NIPBL: variants seen among roughly 807,000 people sequenced by gnomAD.
NIPBL encodes the protein nipped-B-like protein.
A neutral mutation model predicts 321.8 loss-of-function variants in NIPBL; 19 were observed. The observed-to-expected ratio is 0.06, with a 90% CI of 0.04 to 0.09. The LOEUF (loss-of-function observed/expected upper bound fraction) is 0.09. NIPBL is among the 10% of genes least tolerant of loss of function. NIPBL has a pLI of 1.00. For synonymous variants in NIPBL, 1,106 were observed against 1,114.1 expected (o/e 0.99, Z 0.14); for missense variants, 2,210 against 3,327.0 (o/e 0.66, Z 8.26).
At chr5:36,952,053 T>TGTGTGTGTGCGTGC (rs778597604) in intron 1 of NIPBL, among the ~76,000 whole-genome samples, 3 of 112,114 alleles carry the variant, frequency 2.7e-5, no homozygotes, top group South Asian at 3.8e-4. Context: ...TGTGTGTGTG[T>TGTGTGTGTGCGTGC]GCGCGCGCGC....
chr5:36,940,843 T>A (rs1055799258), intron 1 of NIPBL, among the ~76,000 whole-genome samples: 1 of 152,212 alleles, frequency 6.6e-6, no homozygotes, highest in African/African-American at 2.4e-5. Context: ...ATAACAATGC[T>A]AGGCATATGT....
intron 1 of NIPBL, among the ~76,000 whole-genome samples, chr5:36,884,811 G>T (rs1200511714): frequency 6.6e-6 from 1 of 152,160 alleles, no homozygotes; most frequent in African/African-American, 2.4e-5. Flanking sequence ...AGGTAGAGCT[G>T]TGTCCTTGAG....
intron 9 of NIPBL, chr5:36,982,235 C>G: frequency 1.0e-6 from 1 of 979,190 alleles, no homozygotes; most frequent in Non-Finnish European, 1.2e-6. Context: ...AATCACTGTC[C>G]TAAATACCAA....
At chr5:37,003,910 T>C (rs1022289019) in intron 16 of NIPBL, among the ~76,000 whole-genome samples, 2 of 152,212 alleles carry the variant, frequency 1.3e-5, no homozygotes, top group African/African-American at 4.8e-5. Flanking sequence ...CTCTTCCTTA[T>C]GTAAGTATAT....
intron 34 of NIPBL, among the ~76,000 whole-genome samples, chr5:37,040,520 G>T (rs1752219190): frequency 6.6e-6 from 1 of 151,990 alleles, no homozygotes; most frequent in Non-Finnish European, 1.5e-5. Flanking sequence ...ACATTACCTG[G>T]TATATATCTA....
At chr5:37,060,342 C>T (rs1015089531) in intron 44 of NIPBL, among the ~76,000 whole-genome samples, 1 of 151,938 alleles carries the variant, frequency 6.6e-6, no homozygotes, top group African/African-American at 2.4e-5. Flanking sequence ...TTATTTTTTA[C>T]TTGTAGAGAT....
chr5:36,973,411 A>G (rs1180486885), intron 8 of NIPBL, among the ~76,000 whole-genome samples: 1 of 151,766 alleles, frequency 6.6e-6, no homozygotes, highest in East Asian at 1.9e-4. Context: ...GGTTTGTTAC[A>G]TAGGTATACA....
rs115586975 is a variant in NIPBL, at chr5:36,982,114, C to G, written c.1496-2562C>G. 3.2e-3 allele frequency: 1,363 copies of G among 432,234 alleles called. 14 individuals carry two copies. Among genetic ancestry groups the G allele is most frequent in the African/African-American group, 0.028 (1,293 of 46,634 alleles). 26.8% of individuals were successfully genotyped at this position (432,234 alleles called of 1,614,324 possible). ...TTTGAGAATATCAGCATCTGGATGA[C>G]AAGTGTTGGTTTTGAGATTATGATA... On this transcript the variant is annotated intron_variant, in intron 9 of 46. Coordinates refer to ENST00000282516, the MANE Select transcript of NIPBL (RefSeq NM_133433.4).
intron 1 of NIPBL, among the ~76,000 whole-genome samples, chr5:36,880,294 C>T (rs1246737326): frequency 6.6e-6 from 1 of 151,660 alleles, no homozygotes; most frequent in Non-Finnish European, 1.5e-5. Context: ...TTTGAAATAC[C>T]CCATTGTGGT....
intron 1 of NIPBL, among the ~76,000 whole-genome samples, chr5:36,919,308 A>T (rs961845735): frequency 6.6e-6 from 1 of 152,070 alleles, no homozygotes; most frequent in Non-Finnish European, 1.5e-5. Context: ...CATATATTTC[A>T]GTTGACATTT....
At chr5:37,014,396 G>T (rs1422126990) in intron 21 of NIPBL, among the ~76,000 whole-genome samples, 2 of 150,724 alleles carry the variant, frequency 1.3e-5, no homozygotes, top group African/African-American at 2.4e-5. Flanking sequence ...ATTTCTTTCT[G>T]TTCTGACCAG....
In NIPBL at chr5:36,972,010, C is replaced by T. The variant is rs1393288798; in HGVS notation, c.837C>T (p.Cys279=). The T allele has an allele frequency of 2.5e-6, 4 of 1,613,026 alleles. No individual in the cohort carries two copies. Among genetic ancestry groups the T allele is most frequent in the Non-Finnish European group, 3.4e-6 (4 of 1,179,170 alleles). The change falls in exon 8 of 47, where the codon TGC becomes TGT. Residue 279 remains cysteine, a synonymous_variant. Coordinates refer to ENST00000282516, the MANE Select transcript of NIPBL (RefSeq NM_133433.4). ...SFPLRSPQPV[C]SPAGSEGTPK... is the part of the protein sequence containing the mutation. ...CCTTGAGATCTCCACAGCCAGTATG[C>T]TCCCCTGCTGGAAGTGAAGGAACTC...
At chr5:37,020,192 A>G (rs1749468470) in intron 25 of NIPBL, among the ~76,000 whole-genome samples, 1 of 152,242 alleles carries the variant, frequency 6.6e-6, no homozygotes, top group Non-Finnish European at 1.5e-5. Context: ...AGTTGATAAT[A>G]GTATTCTATA....
Position 37,050,527 on chromosome 5 carries a change from C to T in NIPBL, c.6954+1226C>T, listed in dbSNP as rs145458892. Among the ~76,000 whole-genome samples the T allele has an allele frequency of 7.7e-3, 1,173 of 151,436 alleles. 20 individuals carry two copies. Among genetic ancestry groups the T allele is most frequent in the African/African-American group, 0.028 (1,137 of 41,284 alleles). ...ACACAAAGAAATTGCAAAAGTGATA[C>T]GATGAATTCCTTTATTCTCTTCACC... On this transcript the variant is annotated intron_variant, in intron 40 of 46. Transcript: ENST00000282516.
At chr5:36,981,615 C>A (rs1036654299) in intron 9 of NIPBL, among the ~76,000 whole-genome samples, 1 of 151,576 alleles carries the variant, frequency 6.6e-6, no homozygotes, top group Admixed American at 6.6e-5. Flanking sequence ...TCTTTCTTTG[C>A]TTCTGGGATG....
chr5:36,886,535 C>A, intron 1 of NIPBL: 1 of 699,284 alleles, frequency 1.4e-6, no homozygotes, highest in Non-Finnish European at 2.6e-6. Flanking sequence ...GAGCAGGAGG[C>A]CCATAAAATG....
At position 36,885,970 on chromosome 5, in the gene NIPBL, C is replaced by T. The variant is rs1168161686; in HGVS notation, c.-80+8792C>T. Reference sequence around the variant, plus strand: ...TCATGGCAGACATACAGGCCCAATACGACGAGCTAGCTCAGAAGAACCAAG... The same window carrying T: ...TCATGGCAGACATACAGGCCCAATATGACGAGCTAGCTCAGAAGAACCAAG... On this transcript the variant is annotated intron_variant, in intron 1 of 46. Transcript: ENST00000282516. 1.5e-5 allele frequency: 11 copies of T among 729,056 alleles called. 1 individual carries two copies. Among genetic ancestry groups the T allele is most frequent in the African/African-American group, 3.4e-5 (2 of 58,130 alleles). The allele number at this position is 729,056 out of a possible 1,614,324, so 45.2% of individuals were successfully genotyped here.
chr5:36,914,030 A>T (rs771773937), intron 1 of NIPBL, among the ~76,000 whole-genome samples: 5 of 152,212 alleles, frequency 3.3e-5, no homozygotes, highest in Non-Finnish European at 5.9e-5. Flanking sequence ...AACCACACTG[A>T]TGGAATTTCT....
Position 37,064,880 on chromosome 5 carries a change from G to A in NIPBL, c.8403G>A (p.Gly2801=). The change falls in exon 47 of 47, where the codon GGG becomes GGA. Residue 2801 remains glycine (G), a synonymous_variant. Coordinates refer to ENST00000282516, the MANE Select transcript of NIPBL (RefSeq NM_133433.4). The stretch of plus-strand genomic sequence containing the variant: ...GATCCCTGTATGCCGCCAAGGATGG[G>A]ACTTCCAGCTAATGAATTTGTACAT... ...TLRSLYAAKD[G]TSS is the part of the protein sequence containing the mutation. 2 of 1,614,092 alleles carry A rather than the reference G, an allele frequency of 1.2e-6. No individual in the cohort carries two copies. Among genetic ancestry groups the A allele is most frequent in the Non-Finnish European group, 1.7e-6 (2 of 1,180,002 alleles).
Sources: allele counts gnomAD v4.1 joint callset (sites outside exome capture counted in the v4.1 genomes callset), GRCh38; gene constraint gnomAD v4.1.1; transcripts MANE v1.5; gene names NCBI Gene and HGNC (gene_info 2026-07-23, HGNC 2026-07-21).